The following TENM4 variants were observed in gnomAD, a reference collection of about 807,000 sequenced individuals.
TENM4 encodes the protein teneurin transmembrane protein 4.
TENM4 carries 82 observed loss-of-function variants against 243.3 expected under a neutral mutation model. The ratio of observed to expected loss-of-function variants is 0.34; its 90% CI spans 0.28 to 0.40. The LOEUF is 0.40. Among genes scored for constraint, TENM4 ranks in the 10% least tolerant of loss-of-function variants. The pLI is 1.00. For missense variants in TENM4, 3,138 were observed against 3,673.3 expected (o/e 0.85, Z 3.77); for synonymous variants, 1,412 against 1,456.3 (o/e 0.97, Z 0.69).
intron 3 of TENM4, among the ~76,000 whole-genome samples, chr11:79,193,800 G>T: frequency 6.6e-6 from 1 of 152,212 alleles, no homozygotes; most frequent in East Asian, 1.9e-4. Flanking sequence ...TAGTCAACCT[G>T]CCCAAGGTCA....
chr11:78,701,953 C>T lies in TENM4; in HGVS notation c.4660G>A (p.Asp1554Asn). Residue 1554 changes from aspartate (D) to asparagine (N), a missense_variant, in exon 28 of 34, where the codon GAC (aspartate) becomes AAC (asparagine). Physicochemically the swap from Asp to Asn is conservative, Grantham distance 23. This residue lies in a region of TENM4 where 2,467 missense variants were observed against 3,059.1 expected (regional missense o/e 0.81). Coordinates refer to ENST00000278550, the MANE Select transcript of TENM4 (RefSeq NM_001098816.3). ...AACCGAATTCGGATGTTCCCAAGGTCGGCCACGTAGAGCTCCCCATCAGCA... is the reference window on the plus strand; with the variant it reads ...AACCGAATTCGGATGTTCCCAAGGTTGGCCACGTAGAGCTCCCCATCAGCA... ...VCADGELYVADLGNIRIRFIR... is the reference protein window; with the variant it reads ...VCADGELYVANLGNIRIRFIR... The T allele has an allele frequency of 2.5e-6, 4 of 1,613,964 alleles. No homozygotes were observed. The highest frequency in any genetic ancestry group is 3.4e-6 in the Non-Finnish European group (4 of 1,179,898).
chr11:79,262,334 A>G (rs1166502731), intron 2 of TENM4, among the ~76,000 whole-genome samples: 1 of 152,174 alleles, frequency 6.6e-6, no homozygotes, highest in African/African-American at 2.4e-5. Flanking sequence ...CACAGGCTCT[A>G]TTCACAGAGC....
At chr11:79,356,805 T>C (rs1167835254) in intron 1 of TENM4, among the ~76,000 whole-genome samples, 11 of 152,208 alleles carry the variant, frequency 7.2e-5, no homozygotes, top group Admixed American at 7.2e-4. Context: ...TTATATCTAA[T>C]AGAATAATGC....
intron 7 of TENM4, among the ~76,000 whole-genome samples, chr11:78,901,968 A>G (rs1336782291): frequency 6.6e-6 from 1 of 152,240 alleles, no homozygotes; most frequent in Non-Finnish European, 1.5e-5. Flanking sequence ...TTGATGTGCC[A>G]TTACCATAGC....
At chr11:78,658,986 A>T (rs573414814) in intron 33 of TENM4, among the ~76,000 whole-genome samples, 170 bp from the exon 34 acceptor site, 2 of 152,338 alleles carry the variant, frequency 1.3e-5, no homozygotes, top group Non-Finnish European at 2.9e-5. Context: ...GAAGGTCAGA[A>T]CATCTGCTGA....
chr11:78,807,852 C>A (rs1249261867), intron 14 of TENM4, among the ~76,000 whole-genome samples: 5 of 152,138 alleles, frequency 3.3e-5, no homozygotes, highest in Non-Finnish European at 5.9e-5. Flanking sequence ...GGTTCTAGGT[C>A]CATGGTCCAA....
intron 1 of TENM4, among the ~76,000 whole-genome samples, chr11:79,313,712 T>A (rs998651466): frequency 6.6e-6 from 1 of 152,182 alleles, no homozygotes; most frequent in Non-Finnish European, 1.5e-5. Context: ...ATGGCCTCCA[T>A]CTATCATCAC....
At chr11:79,062,782 T>C (rs1860135527) in intron 6 of TENM4, among the ~76,000 whole-genome samples, 1 of 152,086 alleles carries the variant, frequency 6.6e-6, no homozygotes, top group South Asian at 2.1e-4. Flanking sequence ...CCTGCTGTGG[T>C]GTGATGGCAC....
chr11:79,152,521 C>T (rs1021354653), intron 3 of TENM4, among the ~76,000 whole-genome samples: 4 of 152,202 alleles, frequency 2.6e-5, no homozygotes, highest in African/African-American at 7.2e-5. Flanking sequence ...TATATCATGG[C>T]TGTAATTTAC....
At chr11:78,937,177 T>C (rs1027692000) in intron 6 of TENM4, among the ~76,000 whole-genome samples, 5 of 152,220 alleles carry the variant, frequency 3.3e-5, no homozygotes, top group Admixed American at 1.3e-4. Flanking sequence ...TTCAGAAAGC[T>C]GGGGAAGGAA....
At chr11:78,968,593 G>A (rs966867154) in intron 6 of TENM4, among the ~76,000 whole-genome samples, 1 of 152,224 alleles carries the variant, frequency 6.6e-6, no homozygotes, top group Admixed American at 6.5e-5. Flanking sequence ...CACCTGTATG[G>A]TGGAGATTGG....
chr11:78,870,430 T>G (rs569364333), intron 9 of TENM4, among the ~76,000 whole-genome samples: 1 of 152,294 alleles, frequency 6.6e-6, no homozygotes, highest in African/African-American at 2.4e-5. Context: ...CTAGAGATAT[T>G]TGCCCAATAG....
rs1446487326 is a variant in TENM4, at chr11:78,778,594, G to C, written c.2392+8C>G. 1 of 1,611,322 alleles carries C rather than the reference G, an allele frequency of 6.2e-7. No homozygotes were observed. The highest frequency in any genetic ancestry group is 1.3e-5 in the African/African-American group (1 of 74,870). On this transcript the variant is annotated splice_region_variant and intron_variant, in intron 17 of 33. Coordinates refer to ENST00000278550, the MANE Select transcript of TENM4 (RefSeq NM_001098816.3). ...GACAACAGGAAAATAGAGGAAGGAAGACCATACCTTTAACTACCCTATCCA... is the reference window on the plus strand; with the variant it reads ...GACAACAGGAAAATAGAGGAAGGAACACCATACCTTTAACTACCCTATCCA...
rs1196100002 is a variant in TENM4 at position 79,034,819 on chromosome 11, C to T, written c.493+29919G>A. On this transcript the variant is annotated intron_variant, in intron 6 of 33. Coordinates refer to ENST00000278550, the MANE Select transcript of TENM4 (RefSeq NM_001098816.3). ...AGCAGACATGGTGAGCGAAGGGTCT[C>T]AAACTTACCTGGAAACCTTTATTCC... Among the ~76,000 whole-genome samples, 3 of 152,084 alleles carry T rather than the reference C, an allele frequency of 2.0e-5. No individual in the cohort carries two copies. In the East Asian group the frequency reaches 5.8e-4, roughly 29 times the overall value.
chr11:78,951,606 G>A (rs577205278), intron 6 of TENM4, among the ~76,000 whole-genome samples: 1 of 152,272 alleles, frequency 6.6e-6, no homozygotes, highest in East Asian at 1.9e-4. Context: ...TTCTGGTGAG[G>A]GCTCTCTTCG....
chr11:78,786,629 A>C (rs190829188), intron 16 of TENM4, among the ~76,000 whole-genome samples: 1 of 152,380 alleles, frequency 6.6e-6, no homozygotes, highest in Non-Finnish European at 1.5e-5. Context: ...TACCGCATGT[A>C]GCCTTGGAGG....
chr11:79,175,235 A>T (rs1863135007), intron 3 of TENM4, among the ~76,000 whole-genome samples: 1 of 151,364 alleles, frequency 6.6e-6, no homozygotes, highest in Non-Finnish European at 1.5e-5. Flanking sequence ...GAGAAATTAT[A>T]ATAATTCTAA....
intron 18 of TENM4, among the ~76,000 whole-genome samples, chr11:78,763,175 C>T (rs1048234566): frequency 6.6e-6 from 1 of 152,134 alleles, no homozygotes; most frequent in Non-Finnish European, 1.5e-5. Flanking sequence ...TCTGTAAAAC[C>T]CTCCTAAACC....
At chr11:79,009,628 G>C (rs893699098) in intron 6 of TENM4, among the ~76,000 whole-genome samples, 9 of 152,172 alleles carry the variant, frequency 5.9e-5, no homozygotes, top group Non-Finnish European at 1.2e-4. Context: ...GGATCACTTA[G>C]TGTTGTTGAG....
Sources: allele counts gnomAD v4.1 joint callset (sites outside exome capture counted in the v4.1 genomes callset), GRCh38; gene constraint gnomAD v4.1.1; regional missense constraint gnomAD v4.1.1; transcripts MANE v1.5; gene names NCBI Gene and HGNC (gene_info 2026-07-23, HGNC 2026-07-21).